The following BMERB1 variants were observed in gnomAD, a reference collection of about 807,000 sequenced individuals.
BMERB1 encodes bMERB domain-containing protein 1.
BMERB1 carries 12 observed loss-of-function variants against 23.6 expected under a neutral mutation model. That is an observed-to-expected ratio of 0.51 (90% CI 0.33 to 0.82). The LOEUF (loss-of-function observed/expected upper bound fraction) is 0.82. Among genes scored for constraint, BMERB1 ranks in the 40% least tolerant of loss-of-function variants. The pLI is 0.03. For missense variants in BMERB1, 247 were observed against 255.4 expected (o/e 0.97, Z 0.22); for synonymous variants, 122 against 96.6 (o/e 1.26, Z -1.54).
intron 4 of BMERB1, among the ~76,000 whole-genome samples, chr16:15,582,794 C>CTT (rs1317867402): frequency 6.6e-6 from 1 of 152,200 alleles, no homozygotes; most frequent in Non-Finnish European, 1.5e-5. Flanking sequence ...GACTCGCTCT[C>CTT]TGAGACCTGC....
intron 1 of BMERB1, among the ~76,000 whole-genome samples, chr16:15,494,463 A>G (rs544939536): frequency 2.0e-5 from 3 of 152,206 alleles, no homozygotes; most frequent in Non-Finnish European, 4.4e-5. Context: ...TTGTTAAATA[A>G]TTTGCCGGAA....
intron 3 of BMERB1, among the ~76,000 whole-genome samples, chr16:15,574,787 G>A (rs532360296): frequency 6.6e-6 from 1 of 152,230 alleles, no homozygotes; most frequent in African/African-American, 2.4e-5. Context: ...TTTAAAAATC[G>A]GGGGTCAAGG....
intron 1 of BMERB1, chr16:15,502,439 C>A: frequency 7.4e-7 from 1 of 1,342,720 alleles, no homozygotes; most frequent in Non-Finnish European, 1.0e-6. Flanking sequence ...AGAAATCGAG[C>A]AGCCAGGAGC....
chr16:15,563,018 C>G (rs980634658), intron 2 of BMERB1, among the ~76,000 whole-genome samples: 8 of 152,154 alleles, frequency 5.3e-5, no homozygotes, highest in African/African-American at 1.9e-4. Context: ...GCAAGGGGTC[C>G]TGCTGTGGTT....
intron 2 of BMERB1, among the ~76,000 whole-genome samples, chr16:15,561,100 G>T (rs1286609063): frequency 4.7e-5 from 7 of 147,782 alleles, no homozygotes; most frequent in African/African-American, 2.5e-5. Context: ...GATTACAGGC[G>T]CCCACTACCA....
intron 2 of BMERB1, among the ~76,000 whole-genome samples, chr16:15,544,809 G>T (rs572860856): frequency 2.0e-5 from 3 of 152,100 alleles, no homozygotes; most frequent in Admixed American, 1.3e-4. Flanking sequence ...ATCAATCACA[G>T]TTTCAGTCTT....
At chr16:15,487,425 A>C (rs772883549) in intron 1 of BMERB1, among the ~76,000 whole-genome samples, 3 of 152,160 alleles carry the variant, frequency 2.0e-5, no homozygotes, top group Non-Finnish European at 4.4e-5. Flanking sequence ...GGAGTCTGTG[A>C]ACCTTTGCTT....
chr16:15,537,551 A>G (rs1567490119), intron 2 of BMERB1, among the ~76,000 whole-genome samples: 1 of 150,902 alleles, frequency 6.6e-6, no homozygotes, highest in Non-Finnish European at 1.5e-5. Context: ...GCGGGGTTTC[A>G]CCATGTTGGC....
At chr16:15,437,261 A>G (rs1291513552) in intron 1 of BMERB1, among the ~76,000 whole-genome samples, 6 of 152,214 alleles carry the variant, frequency 3.9e-5, no homozygotes, top group Admixed American at 3.9e-4. Flanking sequence ...TGTTCACAAG[A>G]GTGCTGCTTT....
At chr16:15,481,392 T>C (rs540304208) in intron 1 of BMERB1, among the ~76,000 whole-genome samples, 7 of 152,122 alleles carry the variant, frequency 4.6e-5, no homozygotes, top group Admixed American at 4.6e-4. Flanking sequence ...CTGGGTGTGG[T>C]GGTGGGCACC....
chr16:15,582,217 G>A (rs1199020491), intron 4 of BMERB1, among the ~76,000 whole-genome samples: 6 of 152,120 alleles, frequency 3.9e-5, no homozygotes, highest in African/African-American at 1.4e-4. Context: ...TGGGCAACAT[G>A]GTGAAACCCC....
At chr16:15,516,483 T>G (rs1010081248) in intron 2 of BMERB1, among the ~76,000 whole-genome samples, 1 of 152,114 alleles carries the variant, frequency 6.6e-6, no homozygotes, top group Non-Finnish European at 1.5e-5. Flanking sequence ...AAAAGTTTTT[T>G]TAAAAATTGG....
At chr16:15,544,181 GTTTTCAT>G in intron 2 of BMERB1, among the ~76,000 whole-genome samples, 1 of 152,290 alleles carries the variant, frequency 6.6e-6, no homozygotes. Context: ...TTATGCTAAG[GTTTTCAT>G]TAAAGATGCT....
intron 1 of BMERB1, among the ~76,000 whole-genome samples, chr16:15,471,358 T>C (rs142429102): frequency 6.6e-6 from 1 of 152,294 alleles, no homozygotes; most frequent in East Asian, 1.9e-4. Context: ...AGATTTCTCT[T>C]TTGGGAGTTT....
chr16:15,466,681 A>G (rs1354369530), intron 1 of BMERB1, among the ~76,000 whole-genome samples: 1 of 151,598 alleles, frequency 6.6e-6, no homozygotes, highest in South Asian at 2.1e-4. Context: ...GATACAATCC[A>G]TTCATCCTAT....
intron 1 of BMERB1, among the ~76,000 whole-genome samples, chr16:15,478,848 C>T (rs1440589099): frequency 6.6e-6 from 1 of 152,140 alleles, no homozygotes; most frequent in Non-Finnish European, 1.5e-5. Flanking sequence ...TTACTGACTC[C>T]TGATCCCAAG....
chr16:15,568,104 C>T lies in BMERB1; in HGVS notation c.304+48C>T, dbSNP rs1377044236. The T allele has an allele frequency of 3.9e-6, 6 of 1,536,142 alleles. No homozygotes were observed. In the African/African-American group the frequency reaches 8.2e-5, roughly 21 times the overall value. On this transcript the variant is annotated intron_variant, in intron 3 of 5. Transcript: ENST00000300006. ...TGTGCTAAACAGGTGCTTGGGGGCC[C>T]CCAGCCTGGCCCATCTGTACGCCTG...
At chr16:15,460,650 A>C (rs180685890) in intron 1 of BMERB1, among the ~76,000 whole-genome samples, 1,678 of 152,298 alleles carry the variant, frequency 0.011, 22 homozygotes, top group Non-Finnish European at 0.013. Context: ...GACACTAGGT[A>C]GTGAACTTCA....
intron 1 of BMERB1, among the ~76,000 whole-genome samples, chr16:15,459,936 T>A (rs904255034): frequency 6.6e-6 from 1 of 152,188 alleles, no homozygotes; most frequent in African/African-American, 2.4e-5. Context: ...GTTTCTTTTC[T>A]TCTCAATTCT....
Sources: allele counts gnomAD v4.1 joint callset (sites outside exome capture counted in the v4.1 genomes callset), GRCh38; gene constraint gnomAD v4.1.1; transcripts MANE v1.5; gene names NCBI Gene and HGNC (gene_info 2026-07-23, HGNC 2026-07-21).